PRKAR1B: variants seen among roughly 807,000 people sequenced by gnomAD.
The protein encoded by PRKAR1B is protein kinase cAMP-dependent type I regulatory subunit beta.
A neutral mutation model predicts 46.5 loss-of-function variants in PRKAR1B; 22 were observed. That is an observed-to-expected ratio of 0.47 (90% CI 0.34 to 0.68). PRKAR1B has a LOEUF of 0.68. Among genes scored for constraint, PRKAR1B ranks in the 30% least tolerant of loss-of-function variants. The pLI is 0.01. For missense variants in PRKAR1B, 445 were observed against 535.6 expected, an observed-to-expected ratio of 0.83 and a Z score of 1.67; for synonymous variants, 259 against 217.7, an observed-to-expected ratio of 1.19 and a Z score of -1.67.
At chr7:623,252 G>C (rs1450392602) in intron 4 of PRKAR1B, among the ~76,000 whole-genome samples, 2 of 152,210 alleles carry the variant, frequency 1.3e-5, no homozygotes, top group African/African-American at 4.8e-5. Flanking sequence ...GCTCCCGGCT[G>C]GGGTGCCAAC....
At position 596,148 on chromosome 7, in the gene PRKAR1B, T is replaced by C; in HGVS notation, c.706A>G (p.Met236Val). 6.2e-7 allele frequency: 1 copy of C among 1,613,006 alleles called. No individual in the cohort carries two copies. The change falls in exon 7 of 11, where the codon ATG (methionine) becomes GTG (valine). Residue 236 changes from methionine to valine, a missense_variant and splice_region_variant. Physicochemically the swap from Met to Val is conservative, Grantham distance 21 (BLOSUM62 1). This residue lies in a region of PRKAR1B where 51 missense variants were observed against 85.1 expected (regional missense o/e 0.60). Coordinates refer to ENST00000537384, the MANE Select transcript of PRKAR1B (RefSeq NM_001164760.2). The part of the protein sequence containing the change: ...IDRDSYRRIL[M>V]GSTLRKRKMY... ...TCTGTGCTTGGGCACCAACTCACCATAAGGATGCGCCGGTAGCTGTCCCGG... is the reference window on the plus strand; with the variant it reads ...TCTGTGCTTGGGCACCAACTCACCACAAGGATGCGCCGGTAGCTGTCCCGG...
chr7:707,546 A>T (rs749706423), intron 2 of PRKAR1B, among the ~76,000 whole-genome samples: 30 of 149,056 alleles, frequency 2.0e-4, no homozygotes, highest in South Asian at 8.9e-4. Context: ...GACATTCTGG[A>T]GTCCTAACCT....
chr7:607,479 G>A lies in PRKAR1B; in HGVS notation c.441-27C>T, dbSNP rs367970366. The A allele has an allele frequency of 4.4e-6, 7 of 1,602,386 alleles. No individual in the cohort carries two copies. The Admixed American group carries it at 8.3e-5, about 19-fold the overall frequency. On this transcript the variant is annotated intron_variant, in intron 4 of 10. Transcript: ENST00000537384. The stretch of plus-strand genomic sequence containing the variant: ...TGAAAAGCAAAACACGCCAAATTAG[G>A]GCTGCAGGCAGCACAGGGACATTTA...
intron 8 of PRKAR1B, 82 bp downstream of exon 8, chr7:584,426 C>T (rs1011813021): frequency 5.7e-5 from 70 of 1,229,224 alleles, no homozygotes; most frequent in Admixed American, 7.1e-5. Context: ...GCCAGCCACG[C>T]AGGGAATGGG....
rs1778746367 is a variant in PRKAR1B, at chr7:560,932, T to G, written c.892-9462A>C. Among the ~76,000 whole-genome samples, 1 of 152,184 alleles carries G rather than the reference T, an allele frequency of 6.6e-6. No individual in the cohort carries two copies. Among genetic ancestry groups the G allele is most frequent in the Non-Finnish European group, 1.5e-5 (1 of 68,032 alleles). ...CAGAGCCTGGAAAATTCAGGCTCAC[T>G]CCAGTGCCTTTACGTTTCCTGTGCA... On this transcript the variant is annotated intron_variant, in intron 9 of 10. Coordinates refer to ENST00000537384, the MANE Select transcript of PRKAR1B (RefSeq NM_001164760.2). The surrounding 1 kb of genome is among the most constrained non-coding windows in gnomAD (Gnocchi z 4.2).
At chr7:656,710 T>C (rs1785215323) in intron 4 of PRKAR1B, among the ~76,000 whole-genome samples, 1 of 152,064 alleles carries the variant, frequency 6.6e-6, no homozygotes, top group Non-Finnish European at 1.5e-5. Context: ...GATAAATGGG[T>C]GAACAAATGA....
intron 4 of PRKAR1B, among the ~76,000 whole-genome samples, chr7:650,196 TGTGA>T (rs1003941032): frequency 2.0e-5 from 3 of 152,134 alleles, no homozygotes; most frequent in African/African-American, 7.2e-5. Flanking sequence ...GACCCAGGTG[TGTGA>T]GTGAGTGTGC....
chr7:549,224 T>G lies in PRKAR1B; in HGVS notation c.*1206A>C, dbSNP rs1174677226. ...ACTTCATTGCACGTTTAATGCTTCA[T>G]GCAGTATTCAGAGCAGAGATAAGGG... On this transcript the variant is annotated 3_prime_UTR_variant, in exon 11 of 11. Transcript: ENST00000537384. The G allele has an allele frequency of 6.6e-6, 1 of 151,248 alleles. No individual in the cohort carries two copies. Among genetic ancestry groups the G allele is most frequent in the Non-Finnish European group, 1.5e-5 (1 of 67,856 alleles). 9.4% of individuals were successfully genotyped at this position (151,248 alleles called of 1,614,324 possible). A position where few individuals can be genotyped will look rare whatever the true frequency, so the allele number is the denominator to read the frequency against.
At chr7:556,929 T>C (rs1273152779) in intron 9 of PRKAR1B, among the ~76,000 whole-genome samples, 3 of 152,166 alleles carry the variant, frequency 2.0e-5, no homozygotes, top group South Asian at 2.1e-4. Context: ...AGAGTCCCCG[T>C]GCAAAGCTAC....
intron 4 of PRKAR1B, among the ~76,000 whole-genome samples, chr7:610,357 G>A (rs1277723740): frequency 6.6e-6 from 1 of 152,162 alleles, no homozygotes; most frequent in Non-Finnish European, 1.5e-5. Flanking sequence ...CCAGGTGCCT[G>A]GGCGTGGCCC....
intron 4 of PRKAR1B, among the ~76,000 whole-genome samples, chr7:665,079 T>C (rs949344436): frequency 1.6e-4 from 25 of 152,084 alleles, no homozygotes; most frequent in African/African-American, 6.0e-4. Flanking sequence ...TGGTATTAGA[T>C]AGCGCCAGCC....
At chr7:597,333 A>G (rs1781322829) in intron 6 of PRKAR1B, among the ~76,000 whole-genome samples, 1 of 152,216 alleles carries the variant, frequency 6.6e-6, no homozygotes, top group Non-Finnish European at 1.5e-5. Context: ...CTCCACAATT[A>G]GGTACAAGTG....
At chr7:671,667 G>T (rs1317961130) in intron 4 of PRKAR1B, among the ~76,000 whole-genome samples, 1 of 152,048 alleles carries the variant, frequency 6.6e-6, no homozygotes, top group Non-Finnish European at 1.5e-5. Flanking sequence ...CCCAGGTTAA[G>T]ACACATATTT....
chr7:555,277 C>A (rs1215553528), intron 9 of PRKAR1B, among the ~76,000 whole-genome samples: 1 of 152,148 alleles, frequency 6.6e-6, no homozygotes, highest in African/African-American at 2.4e-5. Flanking sequence ...GTCCGGGGAG[C>A]CCCCACGGGG....
chr7:633,534 C>T (rs541785698), intron 4 of PRKAR1B, among the ~76,000 whole-genome samples: 8 of 152,078 alleles, frequency 5.3e-5, no homozygotes, highest in Non-Finnish European at 7.4e-5. Context: ...GAGGCCGAGG[C>T]GGGAGGATCA....
intron 8 of PRKAR1B, 92 bp downstream of exon 8, chr7:584,416 G>T: frequency 8.9e-7 from 1 of 1,117,408 alleles, no homozygotes; most frequent in Non-Finnish European, 1.3e-6. Flanking sequence ...ACACTCAACT[G>T]CCAGCCACGC....
At position 583,772 on chromosome 7, in the gene PRKAR1B, A is replaced by T. The variant is rs573594226; in HGVS notation, c.769+736T>A. ...TGCATGTGCACTCGCACCCATGCAC[A>T]CTCACGTGTACACCCATGTGCACTC... On this transcript the variant is annotated intron_variant, in intron 8 of 10. Coordinates refer to ENST00000537384, the MANE Select transcript of PRKAR1B (RefSeq NM_001164760.2). 2.2e-3 allele frequency among the ~76,000 whole-genome samples: 300 copies of T among 134,482 alleles called. 2 individuals carry two copies. The highest frequency in any genetic ancestry group is 7.9e-3 in the African/African-American group (277 of 35,084). The allele number at this position is 134,482 out of a possible 152,430, so 88.2% of individuals were successfully genotyped here.
intron 7 of PRKAR1B, among the ~76,000 whole-genome samples, chr7:591,264 C>G (rs1444215289): frequency 1.3e-5 from 2 of 152,246 alleles, no homozygotes. Context: ...TGGGAGCTGG[C>G]CTCCGAGCTG....
intron 2 of PRKAR1B, among the ~76,000 whole-genome samples, chr7:705,259 C>G (rs528048755): frequency 6.7e-6 from 1 of 149,958 alleles, no homozygotes; most frequent in Admixed American, 6.7e-5. Context: ...ACCGAGATCA[C>G]GCCATTGCCC....
Sources: allele counts gnomAD v4.1 joint callset (sites outside exome capture counted in the v4.1 genomes callset), GRCh38; gene constraint gnomAD v4.1.1; regional missense constraint gnomAD v4.1.1; non-coding constraint Gnocchi (gnomAD v3.1); transcripts MANE v1.5; gene names NCBI Gene and HGNC (gene_info 2026-07-23, HGNC 2026-07-21).